Variants in RPN2 observed in about 807,000 individuals in gnomAD.
RPN2 encodes dolichyl-diphosphooligosaccharide--protein glycosyltransferase subunit 2.
RPN2 carries 29 observed loss-of-function variants against 71.4 expected under a neutral mutation model. The ratio of observed to expected loss-of-function variants is 0.41; its 90% CI spans 0.30 to 0.55. The LOEUF is 0.55. Ranked by LOEUF, RPN2 falls within the 20% of genes least tolerant of loss-of-function variation. RPN2 has a pLI of 0.35. For missense variants in RPN2, 726 were observed against 774.1 expected (o/e 0.94, Z 0.74); for synonymous variants, 308 against 305.0 (o/e 1.01, Z -0.10).
At chr20:37,230,763 G>C (rs1243344058) in intron 13 of RPN2, among the ~76,000 whole-genome samples, 2 of 152,116 alleles carry the variant, frequency 1.3e-5, no homozygotes, top group Admixed American at 1.3e-4. Flanking sequence ...TCAAAGGGTA[G>C]AGTAGTAGGA....
chr20:37,235,369 TATC>T (rs2068357228), intron 15 of RPN2, among the ~76,000 whole-genome samples: 1 of 152,208 alleles, frequency 6.6e-6, no homozygotes, highest in Non-Finnish European at 1.5e-5. Context: ...CTCATTTGAT[TATC>T]ATCATAGCCC....
At chr20:37,188,366 G>T (rs923570160) in intron 2 of RPN2, among the ~76,000 whole-genome samples, 1 of 151,856 alleles carries the variant, frequency 6.6e-6, no homozygotes, top group Non-Finnish European at 1.5e-5. Context: ...TGTTGGCCAG[G>T]ATAGTCTCCA....
intron 8 of RPN2, 58 bp downstream of exon 8, chr20:37,210,223 T>G: frequency 6.2e-7 from 1 of 1,607,188 alleles, no homozygotes; most frequent in Middle Eastern, 1.7e-4. Context: ...AAAGTTAGCC[T>G]GCAGCCAGTG....
chr20:37,199,630 T>C (rs1312345644), intron 4 of RPN2, among the ~76,000 whole-genome samples: 2 of 152,104 alleles, frequency 1.3e-5, no homozygotes. Context: ...AAGTGGGGGC[T>C]CTCAGGATCC....
At chr20:37,227,354 A>G (rs1415744276) in intron 11 of RPN2, among the ~76,000 whole-genome samples, 2 of 152,264 alleles carry the variant, frequency 1.3e-5, no homozygotes, top group Non-Finnish European at 2.9e-5. Context: ...TGTCTCATCC[A>G]GAATTCTGCT....
In RPN2 at chr20:37,228,735, C is replaced by T. The variant is rs1040175318; in HGVS notation, c.1485C>T (p.Leu495=). 3.7e-6 allele frequency: 6 copies of T among 1,614,066 alleles called. No individual in the cohort carries two copies. In the Admixed American group the frequency reaches 5.0e-5, roughly 13 times the overall value. ...IGDATLKNPI[L]WNVADVVIKF... is the part of the protein sequence containing the mutation. ...ATGCCACTTTGAAGAACCCAATCCTCTGGAATGTGGTATGTGCCTGAATGT... is the reference window on the plus strand; with the variant it reads ...ATGCCACTTTGAAGAACCCAATCCTTTGGAATGTGGTATGTGCCTGAATGT... The change falls in exon 12 of 17, where the codon CTC becomes CTT. Residue 495 remains leucine, a synonymous_variant. Coordinates refer to ENST00000237530, the MANE Select transcript of RPN2 (RefSeq NM_002951.5).
intron 10 of RPN2, 24 bp downstream of exon 10, chr20:37,223,993 C>T (rs758847133): frequency 6.3e-7 from 1 of 1,590,482 alleles, no homozygotes. Flanking sequence ...CACCTGATCA[C>T]TCAGGGAGCT....
intron 10 of RPN2, among the ~76,000 whole-genome samples, chr20:37,224,834 A>C (rs967813419): frequency 2.6e-5 from 4 of 152,010 alleles, no homozygotes; most frequent in African/African-American, 9.7e-5. Context: ...CCAAGCAGCT[A>C]CTCCTTTTAA....
chr20:37,230,978 G>A (rs1395255552), intron 13 of RPN2, among the ~76,000 whole-genome samples: 1 of 151,842 alleles, frequency 6.6e-6, no homozygotes, highest in Non-Finnish European at 1.5e-5. Context: ...AAGTGGGGCT[G>A]TGTCATCATG....
intron 8 of RPN2, among the ~76,000 whole-genome samples, chr20:37,212,218 GTAGT>G (rs1488850159): frequency 6.6e-6 from 1 of 152,100 alleles, no homozygotes; most frequent in African/African-American, 2.4e-5. Context: ...GGTCTAGGCT[GTAGT>G]GAGCCATGAT....
intron 15 of RPN2, among the ~76,000 whole-genome samples, chr20:37,236,328 C>T (rs1055876633): frequency 1.3e-5 from 2 of 152,130 alleles, no homozygotes; most frequent in African/African-American, 4.8e-5. Flanking sequence ...CCTGAGCAAT[C>T]CTCCTGCCTC....
Position 37,198,469 on chromosome 20 carries a change from A to G in RPN2, c.280A>G (p.Ser94Gly). ...TTCCCTCTTCTACGCTGCCCAGGCC[A>G]GCCAGGCCCTCTCAGGATGTGAGGT... ...VDSLFYAAQASQALSGCEISI... is the reference protein window; with the variant it reads ...VDSLFYAAQAGQALSGCEISI... The change falls in exon 3 of 17, where the codon AGC becomes GGC. Residue 94 changes from serine (S) to glycine (G), a missense_variant. Physicochemically the swap from Ser to Gly is moderately conservative, Grantham distance 56 (BLOSUM62 0). Transcript: ENST00000237530. The G allele has an allele frequency of 1.2e-6, 2 of 1,614,230 alleles. No homozygotes were observed. The highest frequency in any genetic ancestry group is 1.7e-6 in the Non-Finnish European group (2 of 1,180,034).
chr20:37,181,431 CTTTTTT>C (rs748226554), intron 1 of RPN2, among the ~76,000 whole-genome samples: 2 of 129,454 alleles, frequency 1.5e-5, no homozygotes, highest in Non-Finnish European at 3.3e-5. Flanking sequence ...TTTTTCTTTT[CTTTTTT>C]TTTTTTTTTT....
chr20:37,190,239 TTC>T (rs2067112181), intron 2 of RPN2, among the ~76,000 whole-genome samples: 1 of 152,202 alleles, frequency 6.6e-6, no homozygotes, highest in Non-Finnish European at 1.5e-5. Context: ...CCCAAAGCTA[TTC>T]TCTGCCATCA....
At position 37,191,925 on chromosome 20, in the gene RPN2, G is replaced by A. The variant is rs567743446; in HGVS notation, c.208-6472G>A. Among the ~76,000 whole-genome samples the A allele has an allele frequency of 1.1e-4, 13 of 122,452 alleles. No individual in the cohort carries two copies. The South Asian group carries it at 3.3e-3, about 31-fold the overall frequency. 80.3% of individuals were successfully genotyped at this position (122,452 alleles called of 152,430 possible). On this transcript the variant is annotated intron_variant, in intron 2 of 16. Transcript: ENST00000237530. ...AGTGAGACACCCGCCCCCCACCCCC[G>A]ATTTCTGCAAAAAGTAAAATTAGAT...
At chr20:37,179,401 G>A (rs1287383713) in intron 1 of RPN2, 32 bp downstream of exon 1, 4 of 77,636 alleles carry the variant, frequency 5.2e-5, no homozygotes, top group Admixed American at 1.2e-3. Context: ...TGGGGAGAGG[G>A]CTGTCGCCCG....
intron 16 of RPN2, among the ~76,000 whole-genome samples, chr20:37,240,038 C>T (rs112810361): frequency 0.023 from 3,432 of 152,298 alleles, 51 homozygotes; most frequent in Middle Eastern, 0.034. Flanking sequence ...GGATTATAGA[C>T]GTGAGCCACC....
intron 2 of RPN2, among the ~76,000 whole-genome samples, chr20:37,187,135 C>A (rs1327913082): frequency 6.6e-6 from 1 of 152,024 alleles, no homozygotes; most frequent in Non-Finnish European, 1.5e-5. Context: ...TTCATCCAGT[C>A]TGATAATTTC....
At chr20:37,192,643 T>C (rs559003923) in intron 2 of RPN2, among the ~76,000 whole-genome samples, 7 of 152,344 alleles carry the variant, frequency 4.6e-5, no homozygotes, top group Admixed American at 4.6e-4. Context: ...CCCTGCACTC[T>C]TAAGAATATG....
Sources: allele counts gnomAD v4.1 joint callset (sites outside exome capture counted in the v4.1 genomes callset), GRCh38; gene constraint gnomAD v4.1.1; transcripts MANE v1.5; gene names NCBI Gene and HGNC (gene_info 2026-07-23, HGNC 2026-07-21).